The following WASF2 variants were observed in gnomAD, a reference collection of about 807,000 sequenced individuals.
The protein encoded by WASF2 is WASP family member 2.
WASF2 carries 14 observed loss-of-function variants against 45.0 expected under a neutral mutation model. The ratio of observed to expected loss-of-function variants is 0.31; its 90% CI spans 0.21 to 0.49. The LOEUF is 0.49. WASF2 is among the 20% of genes least tolerant of loss of function. The probability of loss-of-function intolerance (pLI) is 0.99; values close to 1 mark genes in which losing one functional copy is unlikely to be tolerated. For missense variants in WASF2, 439 were observed against 636.1 expected, an observed-to-expected ratio of 0.69 and a Z score of 3.33; for synonymous variants, 200 against 236.3, an observed-to-expected ratio of 0.85 and a Z score of 1.41.
Position 27,404,685 on chromosome 1 carries a change from CTACATG to C in WASF2, c.*3498_*3503del, listed in dbSNP as rs1381556856. 6.6e-6 allele frequency: 1 copy of C among 152,348 alleles called. No individual in the cohort carries two copies. Among genetic ancestry groups the C allele is most frequent in the African/African-American group, 2.4e-5 (1 of 41,580 alleles). The allele number at this position is 152,348 out of a possible 1,614,324, so 9.4% of individuals were successfully genotyped here. ...TTTGGGAGCATTATGGCTTACTCTA[CTACATG>C]TACATCATTCTAGACAGAAAGTAAA... On this transcript the variant is annotated 3_prime_UTR_variant, in exon 9 of 9. Transcript: ENST00000618852.
chr1:27,461,823 T>C (rs746256733), intron 1 of WASF2, among the ~76,000 whole-genome samples: 3 of 151,522 alleles, frequency 2.0e-5, no homozygotes, highest in Non-Finnish European at 4.4e-5. Context: ...CCAATAGGCC[T>C]GGTTATTTTT....
intron 2 of WASF2, among the ~76,000 whole-genome samples, chr1:27,423,898 T>C (rs2504769): frequency 0.76 from 115,915 of 151,966 alleles, 47,123 homozygotes; most frequent in Non-Finnish European, 0.9. Flanking sequence ...TCACCCACAC[T>C]GCAGTCAGTT....
Position 27,410,067 on chromosome 1 carries a change from G to A in WASF2, c.964C>T (p.Pro322Ser), listed in dbSNP as rs763735191. 1.1e-5 allele frequency: 17 copies of A among 1,613,112 alleles called. 1 individual carries two copies. The South Asian group carries it at 1.8e-4, about 17-fold the overall frequency. ...PKPGFAPPPAPPPPPPPMIGI... is the reference protein window; with the variant it reads ...PKPGFAPPPASPPPPPPMIGI... ...ATCATTGGAGGCGGAGGTGGCGGAG[G>A]GGCAGGTGGTGGAGCAAACCCGGGT... is the stretch of plus-strand genomic sequence containing the variant. Residue 322 changes from proline to serine, a missense_variant, in exon 8 of 9, where the codon CCT becomes TCT. Physicochemically the swap from Pro to Ser is moderately conservative, Grantham distance 74. Transcript: ENST00000618852. The surrounding 1 kb of genome is among the most constrained non-coding windows in gnomAD (Gnocchi z 4.2).
intron 1 of WASF2, among the ~76,000 whole-genome samples, chr1:27,476,137 C>T (rs1265689619): frequency 2.0e-5 from 3 of 152,172 alleles, no homozygotes; most frequent in Non-Finnish European, 2.9e-5. Context: ...ATAGCAAAGG[C>T]TTACAGAAAA....
intron 1 of WASF2, among the ~76,000 whole-genome samples, chr1:27,481,295 C>G (rs6598884): frequency 0.098 from 14,919 of 151,836 alleles, 817 homozygotes; most frequent in African/African-American, 0.14. Context: ...CAGAGGGAGA[C>G]TCCGTATGAA....
intron 8 of WASF2, among the ~76,000 whole-genome samples, chr1:27,408,602 C>A (rs1305685606): frequency 5.3e-5 from 8 of 152,214 alleles, no homozygotes; most frequent in Admixed American, 6.5e-5. Context: ...TCTCATAAGG[C>A]TTTGAAGTGG....
intron 6 of WASF2, among the ~76,000 whole-genome samples, chr1:27,413,629 C>T (rs985939567): frequency 6.6e-6 from 1 of 152,226 alleles, no homozygotes; most frequent in Non-Finnish European, 1.5e-5. Flanking sequence ...TCCAGATAGA[C>T]TAACCATGAA....
At chr1:27,488,035 C>G (rs1205635320) in intron 1 of WASF2, among the ~76,000 whole-genome samples, 3 of 151,922 alleles carry the variant, frequency 2.0e-5, no homozygotes, top group Non-Finnish European at 4.4e-5. Context: ...GATATCTGAA[C>G]AGGAAAAAGT....
intron 1 of WASF2, among the ~76,000 whole-genome samples, chr1:27,454,187 ATTTTTTTTTT>A (rs869057863): frequency 1.4e-3 from 18 of 12,774 alleles, no homozygotes; most frequent in African/African-American, 3.5e-3. Flanking sequence ...ATATATATAT[ATTTTTTTTTT>A]TTTTTTTTTT....
intron 1 of WASF2, among the ~76,000 whole-genome samples, chr1:27,472,174 TA>T (rs1383026657): frequency 6.6e-6 from 1 of 151,336 alleles, no homozygotes; most frequent in Non-Finnish European, 1.5e-5. Context: ...CTACTAAAAA[TA>T]AAAAAATTAG....
rs1327507311 is a variant in WASF2 at position 27,472,996 on chromosome 1, AAAC to A, written c.-44+16987_-44+16989del. The stretch of plus-strand genomic sequence containing the variant: ...CAAAAAAAAAAAAAAAAAAGGAAAC[AAAC>A]AACAAAAAAAATTGTGCTTTATAGG... On this transcript the variant is annotated intron_variant, in intron 1 of 8. Transcript: ENST00000618852. Among the ~76,000 whole-genome samples, 5 of 150,974 alleles carry A rather than the reference AAAC, an allele frequency of 3.3e-5. No homozygotes were observed. In the East Asian group the frequency reaches 9.7e-4, roughly 29 times the overall value.
chr1:27,442,081 G>A (rs903334208), intron 1 of WASF2, among the ~76,000 whole-genome samples: 29 of 151,844 alleles, frequency 1.9e-4, no homozygotes, highest in African/African-American at 6.8e-4. Context: ...CTGCACTCCA[G>A]CCTGGGCAAA....
At chr1:27,422,946 C>T (rs1351543582) in intron 2 of WASF2, among the ~76,000 whole-genome samples, 1 of 152,084 alleles carries the variant, frequency 6.6e-6, no homozygotes, top group African/African-American at 2.4e-5. Context: ...TGAGATCAGC[C>T]TGGCCAACAT....
chr1:27,417,908 G>GGATCTAT (rs2016848132), intron 4 of WASF2, among the ~76,000 whole-genome samples: 1 of 151,380 alleles, frequency 6.6e-6, no homozygotes, highest in African/African-American at 2.4e-5. Context: ...GTTGCCCCTG[G>GGATCTAT]GATCCATGCT....
chr1:27,432,510 C>A (rs1175095028), intron 1 of WASF2, among the ~76,000 whole-genome samples: 2 of 151,266 alleles, frequency 1.3e-5, no homozygotes, highest in African/African-American at 4.9e-5. Flanking sequence ...TAGCTGGGCG[C>A]GGTGGCAGGC....
intron 1 of WASF2, among the ~76,000 whole-genome samples, chr1:27,478,811 C>G (rs1328547023): frequency 6.6e-6 from 1 of 151,774 alleles, no homozygotes; most frequent in East Asian, 1.9e-4. Flanking sequence ...CTCCAATTCC[C>G]GACCTCAGGT....
intron 4 of WASF2, among the ~76,000 whole-genome samples, chr1:27,416,564 T>C (rs563118756): frequency 1.4e-4 from 22 of 152,388 alleles, no homozygotes; most frequent in African/African-American, 5.0e-4. Context: ...AGTTCATGTG[T>C]ATGCATATGT....
chr1:27,472,199 C>T (rs1316518947), intron 1 of WASF2, among the ~76,000 whole-genome samples: 5 of 151,536 alleles, frequency 3.3e-5, no homozygotes, highest in African/African-American at 7.3e-5. Context: ...GGCATGGTGG[C>T]GGGTGCCTGT....
At chr1:27,417,246 C>G (rs1413594331) in intron 4 of WASF2, among the ~76,000 whole-genome samples, 2 of 152,170 alleles carry the variant, frequency 1.3e-5, no homozygotes, top group Admixed American at 1.3e-4. Context: ...TTGTATGACC[C>G]CTTTCTGCCC....
Sources: allele counts gnomAD v4.1 joint callset (sites outside exome capture counted in the v4.1 genomes callset), GRCh38; gene constraint gnomAD v4.1.1; non-coding constraint Gnocchi (gnomAD v3.1); transcripts MANE v1.5; gene names NCBI Gene and HGNC (gene_info 2026-07-23, HGNC 2026-07-21).